VMP1: variants seen among roughly 807,000 people sequenced by gnomAD.
VMP1 encodes the protein vacuole membrane protein 1, also known as ectopic P-granules autophagy protein 3 homolog.
VMP1 carries 11 observed loss-of-function variants against 56.0 expected under a neutral mutation model. The ratio of observed to expected loss-of-function variants is 0.20; its 90% CI spans 0.12 to 0.32. VMP1 has a LOEUF of 0.32. Ranked by LOEUF, VMP1 falls within the 10% of genes least tolerant of loss-of-function variation. The pLI is 1.00. For missense variants in VMP1, 296 were observed against 490.3 expected, an observed-to-expected ratio of 0.60 and a Z score of 3.74; for synonymous variants, 149 against 165.0, an observed-to-expected ratio of 0.90 and a Z score of 0.74.
intron 7 of VMP1, among the ~76,000 whole-genome samples, chr17:59,777,785 G>C (rs1022800541): frequency 1.3e-4 from 19 of 151,940 alleles, no homozygotes; most frequent in African/African-American, 4.6e-4. Context: ...CTGCACTCCA[G>C]CCTGGGCGAC....
In VMP1 at chr17:59,811,708, T is replaced by C; in HGVS notation, c.834T>C (p.Cys278=). The C allele has an allele frequency of 1.2e-6, 2 of 1,614,060 alleles. No individual in the cohort carries two copies. The highest frequency in any genetic ancestry group is 1.7e-6 in the Non-Finnish European group (2 of 1,179,968). Residue 278 remains cysteine (C), a synonymous_variant, in exon 9 of 12, where the codon TGT becomes TGC. Coordinates refer to ENST00000262291, the MANE Select transcript of VMP1 (RefSeq NM_030938.5). ...TATTTGATCTGGCTGGAATAACGTG[T>C]GGACACTTTCTGGTACCTTTTTGGA... The part of the protein sequence containing the change: ...NPLFDLAGIT[C]GHFLVPFWTF...
chr17:59,731,474 C>A lies in VMP1; in HGVS notation c.28C>A (p.Gln10Lys). The A allele has an allele frequency of 6.3e-7, 1 of 1,593,106 alleles. No homozygotes were observed. Among genetic ancestry groups the A allele is most frequent in the South Asian group, 1.1e-5 (1 of 86,964 alleles). Residue 10 changes from glutamine (Q) to lysine (K), a missense_variant, in exon 2 of 12, where the codon CAG becomes AAG. Gln to Lys is a moderately conservative substitution (Grantham distance 53). This residue lies in a region of VMP1 where 69 missense variants were observed against 76.6 expected (regional missense o/e 0.90). Coordinates refer to ENST00000262291, the MANE Select transcript of VMP1 (RefSeq NM_030938.5). Reference protein sequence around the residue: MAENGKNCDQRRVAMNKEHH... With the variant: MAENGKNCDKRRVAMNKEHH... ...GGCAGAGAATGGAAAAAATTGTGAC[C>A]AGAGACGTGTAGCAATGAACAAGGA...
chr17:59,743,247 T>C (rs1490704192), intron 5 of VMP1, among the ~76,000 whole-genome samples: 1 of 152,180 alleles, frequency 6.6e-6, no homozygotes, highest in East Asian at 1.9e-4. Flanking sequence ...GTGCTTCACC[T>C]GTTTTTTCCA....
intron 5 of VMP1, among the ~76,000 whole-genome samples, chr17:59,739,389 A>C (rs115221119): frequency 5.3e-4 from 80 of 152,286 alleles, no homozygotes; most frequent in African/African-American, 1.9e-3. Context: ...TAACATGTAG[A>C]ACTAAATGCT....
chr17:59,801,126 GTGTGT>G, intron 7 of VMP1, among the ~76,000 whole-genome samples: 1 of 138,944 alleles, frequency 7.2e-6, no homozygotes, highest in African/African-American at 3.1e-5. Flanking sequence ...GTGTGTGTGT[GTGTGT>G]GTGTGTGTGT....
intron 10 of VMP1, among the ~76,000 whole-genome samples, chr17:59,834,775 C>T (rs1370981219): frequency 6.6e-6 from 1 of 152,172 alleles, no homozygotes; most frequent in African/African-American, 2.4e-5. Flanking sequence ...CAGGCACTCT[C>T]CATCATGCCC....
rs1051950994 is a variant in VMP1 at position 59,761,996 on chromosome 17, T to G, written c.415-2975T>G. ...TGGAATTTTTGGCAGGCATGGAATG[T>G]GTCTACAGACAAGAAGCCAGAGTCA... On this transcript the variant is annotated intron_variant, in intron 5 of 11. Coordinates refer to ENST00000262291, the MANE Select transcript of VMP1 (RefSeq NM_030938.5). 1.7e-3 allele frequency among the ~76,000 whole-genome samples: 253 copies of G among 152,222 alleles called. 1 individual carries two copies. Among genetic ancestry groups the G allele is most frequent in the Non-Finnish European group, 5.1e-4 (35 of 68,044 alleles).
chr17:59,739,015 A>G, intron 5 of VMP1, 68 bp downstream of exon 5: 13 of 1,271,044 alleles, frequency 1.0e-5, no homozygotes, highest in Non-Finnish European at 1.4e-5. Flanking sequence ...CTTTTATGTC[A>G]GAAGTAAAAA....
At chr17:59,786,309 T>C (rs1384852820) in intron 7 of VMP1, among the ~76,000 whole-genome samples, 4 of 152,238 alleles carry the variant, frequency 2.6e-5, no homozygotes, top group Non-Finnish European at 5.9e-5. Context: ...TAAGATTATT[T>C]AAATACTCAC....
At chr17:59,714,612 A>C (rs1364816638) in intron 1 of VMP1, among the ~76,000 whole-genome samples, 1 of 150,872 alleles carries the variant, frequency 6.6e-6, no homozygotes, top group African/African-American at 2.4e-5. Context: ...ATTTTAAAGC[A>C]CATGAAAGTT....
In VMP1 at chr17:59,713,683, CTTTT is replaced by C. The variant is rs3064256; in HGVS notation, c.-27+5951_-27+5954del. On this transcript the variant is annotated intron_variant, in intron 1 of 11. Coordinates refer to ENST00000262291, the MANE Select transcript of VMP1 (RefSeq NM_030938.5). ...GACAACATGGCAAAACCCCATCTCT[CTTTT>C]TTTTTTTTTTTTTTTGTTAAAAAAA... Among the ~76,000 whole-genome samples the C allele has an allele frequency of 1.7e-4, 18 of 108,720 alleles. No homozygotes were observed. In the East Asian group the frequency reaches 2.0e-3, roughly 12 times the overall value. 71.3% of individuals were successfully genotyped at this position (108,720 alleles called of 152,430 possible).
At chr17:59,745,706 T>C (rs2035398476) in intron 5 of VMP1, among the ~76,000 whole-genome samples, 1 of 152,228 alleles carries the variant, frequency 6.6e-6, no homozygotes, top group Admixed American at 6.5e-5. Flanking sequence ...TCTCATGTTC[T>C]ATTATGTGCT....
At chr17:59,744,092 G>GT (rs58467769) in intron 5 of VMP1, among the ~76,000 whole-genome samples, 37,941 of 144,012 alleles carry the variant, frequency 0.26, 5,118 homozygotes, top group East Asian at 0.44. Context: ...TGAGGTTTTT[G>GT]TTTTTTTTTT....
intron 1 of VMP1, among the ~76,000 whole-genome samples, chr17:59,717,913 A>G (rs1346860278): frequency 6.6e-6 from 1 of 152,008 alleles, no homozygotes; most frequent in African/African-American, 2.4e-5. Context: ...GAGCAGAGCA[A>G]GACTTTGTTT....
chr17:59,791,184 CTT>C (rs200633751), intron 7 of VMP1, among the ~76,000 whole-genome samples: 2 of 133,650 alleles, frequency 1.5e-5, no homozygotes, highest in Non-Finnish European at 1.5e-5. Flanking sequence ...TCCCAGTTCC[CTT>C]TTTTTTTTTT....
intron 5 of VMP1, among the ~76,000 whole-genome samples, chr17:59,762,623 G>A (rs1188779997): frequency 6.6e-6 from 1 of 152,144 alleles, no homozygotes; most frequent in East Asian, 1.9e-4. Context: ...AAACTGAGTT[G>A]TTAATGTTCA....
chr17:59,798,211 C>A (rs749377921), intron 7 of VMP1, among the ~76,000 whole-genome samples: 2 of 152,178 alleles, frequency 1.3e-5, no homozygotes, highest in Admixed American at 6.5e-5. Flanking sequence ...ATCTATACAT[C>A]GAGAAATCCA....
chr17:59,717,267 G>A (rs1242771881), intron 1 of VMP1, among the ~76,000 whole-genome samples: 1 of 152,196 alleles, frequency 6.6e-6, no homozygotes, highest in Non-Finnish European at 1.5e-5. Flanking sequence ...ACCGCGCTCG[G>A]CCGGTCCGCC....
chr17:59,796,277 T>C (rs771119183), intron 7 of VMP1, among the ~76,000 whole-genome samples: 7 of 152,236 alleles, frequency 4.6e-5, no homozygotes, highest in African/African-American at 9.6e-5. Context: ...CTTTCCTGAC[T>C]GTCCTATTTA....
Sources: gnomAD v4.1 joint callset for allele counts (sites outside exome capture counted in the v4.1 genomes callset) on GRCh38, gnomAD v4.1.1 for gene constraint, gnomAD v4.1.1 regional missense constraint, MANE v1.5 for transcripts, NCBI Gene and HGNC (gene_info 2026-07-23, HGNC 2026-07-21) for gene names.